The following ADAMTS19 variants were observed in gnomAD, a reference collection of about 807,000 sequenced individuals.
ADAMTS19 encodes the protein A disintegrin and metalloproteinase with thrombospondin motifs 19.
ADAMTS19 carries 93 observed loss-of-function variants against 153.3 expected under a neutral mutation model. The observed-to-expected ratio is 0.61, with a 90% CI of 0.51 to 0.72. The LOEUF is 0.72. Ranked by LOEUF, ADAMTS19 falls within the 30% of genes least tolerant of loss-of-function variation. The pLI, the probability that ADAMTS19 is intolerant of heterozygous loss-of-function variation, is 0.00. For missense variants in ADAMTS19, 1,482 were observed against 1,552.1 expected, an observed-to-expected ratio of 0.95 and a Z score of 0.76; for synonymous variants, 600 against 556.6, an observed-to-expected ratio of 1.08 and a Z score of -1.10.
At chr5:129,658,585 A>G (rs775724023) in intron 14 of ADAMTS19, 32 bp from the exon 15 acceptor site, 2 of 1,606,272 alleles carry the variant, frequency 1.2e-6, no homozygotes, top group Admixed American at 1.7e-5. Context: ...GAATACTGCT[A>G]TTTATGATGT....
At chr5:129,557,490 C>T (rs1753355639) in intron 7 of ADAMTS19, among the ~76,000 whole-genome samples, 1 of 151,888 alleles carries the variant, frequency 6.6e-6, no homozygotes, top group Non-Finnish European at 1.5e-5. Context: ...ATCCCAGCTA[C>T]TTGGGAGGCT....
At chr5:129,503,744 C>T (rs779708716) in intron 2 of ADAMTS19, among the ~76,000 whole-genome samples, 9 of 151,960 alleles carry the variant, frequency 5.9e-5, no homozygotes, top group Non-Finnish European at 8.8e-5. Flanking sequence ...AGGAGAATCA[C>T]GAGAACCCAG....
rs1362383075 is a variant in ADAMTS19 at position 129,737,223 on chromosome 5, T to C, written c.*5T>C. On this transcript the variant is annotated 3_prime_UTR_variant, in exon 23 of 23. Coordinates refer to ENST00000274487, the MANE Select transcript of ADAMTS19 (RefSeq NM_133638.6). ...AAGCTGCAGCAGAAGAGTTGACCTC[T>C]AGCAGGCTGGCTGGATCACAGCTCT... 1.3e-6 allele frequency: 2 copies of C among 1,591,754 alleles called. No homozygotes were observed. The highest frequency in any genetic ancestry group is 1.7e-6 in the Non-Finnish European group (2 of 1,165,140).
At chr5:129,658,532 A>G (rs1444126358) in intron 14 of ADAMTS19, 85 bp from the exon 15 acceptor site, 1 of 1,383,254 alleles carries the variant, frequency 7.2e-7, no homozygotes, top group Admixed American at 2.2e-5. Flanking sequence ...TATCTGGTTT[A>G]TAGAGACTAG....
chr5:129,522,330 C>CATATATAT lies in ADAMTS19; in HGVS notation c.914-3953_914-3952insTATATATA, dbSNP rs1205280756. On this transcript the variant is annotated intron_variant, in intron 3 of 22. Transcript: ENST00000274487. The stretch of plus-strand genomic sequence containing the variant: ...ATATATATATATACACACACACACA[C>CATATATAT]ACATATATATATATATATATATATA... Among the ~76,000 whole-genome samples the CATATATAT allele has an allele frequency of 5.4e-3, 380 of 70,792 alleles. 5 individuals are homozygous for CATATATAT. The highest frequency in any genetic ancestry group is 0.017 in the African/African-American group (246 of 14,378). The allele number at this position is 70,792 out of a possible 152,430, so 46.4% of individuals were successfully genotyped here. A position where few individuals can be genotyped will look rare whatever the true frequency, so the allele number is the denominator to read the frequency against.
chr5:129,518,015 T>A (rs1297728629), intron 3 of ADAMTS19, among the ~76,000 whole-genome samples: 3 of 152,098 alleles, frequency 2.0e-5, no homozygotes, highest in Non-Finnish European at 1.5e-5. Context: ...TAAACCATTA[T>A]TTTAACCTGA....
At chr5:129,605,951 A>G (rs905646771) in intron 8 of ADAMTS19, among the ~76,000 whole-genome samples, 1 of 152,136 alleles carries the variant, frequency 6.6e-6, no homozygotes, top group Non-Finnish European at 1.5e-5. Flanking sequence ...TATGGCCAAA[A>G]ATGCATATGT....
chr5:129,651,513 C>T (rs1356407045), intron 13 of ADAMTS19, among the ~76,000 whole-genome samples: 1 of 152,192 alleles, frequency 6.6e-6, no homozygotes, highest in African/African-American at 2.4e-5. Flanking sequence ...TTCCATTCCA[C>T]CCCTTAGATA....
chr5:129,576,768 G>A (rs1452107252), intron 7 of ADAMTS19, among the ~76,000 whole-genome samples: 2 of 152,174 alleles, frequency 1.3e-5, no homozygotes, highest in East Asian at 3.9e-4. Flanking sequence ...GGCAACCAGA[G>A]CACACTGTTG....
intron 22 of ADAMTS19, among the ~76,000 whole-genome samples, chr5:129,736,214 T>G (rs1208562430): frequency 6.6e-6 from 1 of 152,050 alleles, no homozygotes; most frequent in Non-Finnish European, 1.5e-5. Flanking sequence ...CCTTGAAATA[T>G]TACATGGCAG....
chr5:129,460,513 T>G, intron 1 of ADAMTS19, 31 bp downstream of exon 1: 4 of 1,613,502 alleles, frequency 2.5e-6, no homozygotes, highest in Non-Finnish European at 3.4e-6. Context: ...CTCGCTTCCT[T>G]TCCAGCCATC....
intron 11 of ADAMTS19, among the ~76,000 whole-genome samples, chr5:129,645,893 T>C (rs1318830287): frequency 2.3e-5 from 3 of 127,752 alleles, no homozygotes; most frequent in African/African-American, 3.0e-5. Context: ...CAATTTTTTT[T>C]TTTTTTTTTT....
chr5:129,624,425 A>AG (rs1751932746), intron 10 of ADAMTS19, among the ~76,000 whole-genome samples: 1 of 152,146 alleles, frequency 6.6e-6, no homozygotes. Context: ...AAAGATTTTG[A>AG]GGTACAAAGG....
intron 7 of ADAMTS19, among the ~76,000 whole-genome samples, chr5:129,561,229 A>G (rs1326361215): frequency 6.6e-6 from 1 of 152,176 alleles, no homozygotes. Context: ...GCTGAATTTC[A>G]TATCTACTTC....
At chr5:129,725,173 T>C (rs1757156117) in intron 21 of ADAMTS19, among the ~76,000 whole-genome samples, 1 of 151,908 alleles carries the variant, frequency 6.6e-6, no homozygotes, top group African/African-American at 2.4e-5. Context: ...GTATGAAAAA[T>C]GTATTAAAAA....
In ADAMTS19 at chr5:129,461,667, C is replaced by G. The variant is rs780557550; in HGVS notation, c.657C>G (p.Pro219=). 8.8e-6 allele frequency: 14 copies of G among 1,583,490 alleles called. No homozygotes were observed. The highest frequency in any genetic ancestry group is 4.1e-5 in the African/African-American group (3 of 73,296). The change falls in exon 2 of 23, where the codon CCC becomes CCG. Residue 219 remains proline, a synonymous_variant. Coordinates refer to ENST00000274487, the MANE Select transcript of ADAMTS19 (RefSeq NM_133638.6). The surrounding 1 kb of genome is among the most constrained non-coding windows in gnomAD (Gnocchi z 4.6). The stretch of plus-strand genomic sequence containing the variant: ...GGGCAGCATCCGCCCCGCAACCTCC[C>G]GCGCCACCAGACGCAGGCTGCTTCT... The part of the protein sequence containing the change: ...PTGAASAPQP[P]APPDAGCFYT...
chr5:129,481,865 C>A (rs1043135843), intron 2 of ADAMTS19, among the ~76,000 whole-genome samples: 1 of 151,942 alleles, frequency 6.6e-6, no homozygotes, highest in East Asian at 1.9e-4. Flanking sequence ...GCCTTTTTGC[C>A]CTAAGATCTC....
At chr5:129,581,157 T>A (rs1749495552) in intron 7 of ADAMTS19, among the ~76,000 whole-genome samples, 1 of 152,234 alleles carries the variant, frequency 6.6e-6, no homozygotes, top group African/African-American at 2.4e-5. Context: ...CCTGGTTTAG[T>A]CTTGGGAGGG....
chr5:129,734,544 C>G (rs908870912), intron 21 of ADAMTS19, among the ~76,000 whole-genome samples: 1 of 151,960 alleles, frequency 6.6e-6, no homozygotes, highest in Non-Finnish European at 1.5e-5. Flanking sequence ...AACTTCTGAA[C>G]ATCGATGATT....
Sources: allele counts gnomAD v4.1 joint callset (sites outside exome capture counted in the v4.1 genomes callset), GRCh38; gene constraint gnomAD v4.1.1; non-coding constraint Gnocchi (gnomAD v3.1); transcripts MANE v1.5; gene names NCBI Gene and HGNC (gene_info 2026-07-23, HGNC 2026-07-21).